The following NOL4 variants were observed in gnomAD, a reference collection of about 807,000 sequenced individuals.
NOL4 encodes cancer/testis antigen 125.
A neutral mutation model predicts 75.9 loss-of-function variants in NOL4; 17 were observed. The ratio of observed to expected loss-of-function variants is 0.22; its 90% CI spans 0.15 to 0.34. The LOEUF is 0.34. Ranked by LOEUF, NOL4 falls within the 10% of genes least tolerant of loss-of-function variation. The pLI, the probability that NOL4 is intolerant of heterozygous loss-of-function variation, is 1.00. For synonymous variants in NOL4, 292 were observed against 289.9 expected (o/e 1.01, Z -0.07); for missense variants, 614 against 793.5 (o/e 0.77, Z 2.72).
At chr18:33,899,171 G>A (rs771211681) in intron 9 of NOL4, among the ~76,000 whole-genome samples, 28 of 152,200 alleles carry the variant, frequency 1.8e-4, no homozygotes, top group Non-Finnish European at 2.9e-4. Context: ...AATTTGTGGG[G>A]GTATTGTGAT....
intron 1 of NOL4, among the ~76,000 whole-genome samples, chr18:34,218,752 A>C (rs956120332): frequency 6.6e-6 from 1 of 152,204 alleles, no homozygotes; most frequent in Non-Finnish European, 1.5e-5. Flanking sequence ...ATAGAAGCAA[A>C]AATGTGCTTC....
intron 9 of NOL4, among the ~76,000 whole-genome samples, chr18:33,935,434 G>A (rs1402928590): frequency 1.3e-5 from 2 of 152,102 alleles, no homozygotes; most frequent in Non-Finnish European, 2.9e-5. Context: ...GAAAGAGAGA[G>A]ACAGGGTGAT....
At chr18:34,047,892 C>T (rs1465382424) in intron 5 of NOL4, among the ~76,000 whole-genome samples, 1 of 152,114 alleles carries the variant, frequency 6.6e-6, no homozygotes, top group Non-Finnish European at 1.5e-5. Flanking sequence ...GAAGTACCAG[C>T]ACCAAACAGA....
intron 1 of NOL4, among the ~76,000 whole-genome samples, chr18:34,139,001 G>C (rs1424326245): frequency 1.3e-5 from 2 of 152,112 alleles, no homozygotes; most frequent in Admixed American, 6.6e-5. Context: ...ATATGTTGAA[G>C]CAGCCTTGCA....
chr18:34,222,186 C>T lies in NOL4; in HGVS notation c.264+804G>A, dbSNP rs147759424. The T allele has an allele frequency of 8.0e-3, 11,813 of 1,468,498 alleles. 74 individuals are homozygous for T. The highest frequency in any genetic ancestry group is 0.013 in the Admixed American group (547 of 41,916). 91.0% of individuals were successfully genotyped at this position (1,468,498 alleles called of 1,614,324 possible). On this transcript the variant is annotated intron_variant, in intron 1 of 10. Coordinates refer to ENST00000261592, the MANE Select transcript of NOL4 (RefSeq NM_003787.5). ...TTGGGCTCTCAATGCCAGTGCCTCGCGGCGCCTGGGCTAGAGCTTTGTGGC... is the reference window on the plus strand; with the variant it reads ...TTGGGCTCTCAATGCCAGTGCCTCGTGGCGCCTGGGCTAGAGCTTTGTGGC...
chr18:33,905,428 A>G (rs1356450273), intron 9 of NOL4, among the ~76,000 whole-genome samples: 1 of 152,192 alleles, frequency 6.6e-6, no homozygotes, highest in Non-Finnish European at 1.5e-5. Context: ...ACCATTCCAG[A>G]AACCAGGAAA....
At chr18:33,958,109 T>A in intron 7 of NOL4, 130 bp downstream of exon 7, 1 of 891,998 alleles carries the variant, frequency 1.1e-6, no homozygotes, top group Non-Finnish European at 1.7e-6. Context: ...AAAGAGTGTT[T>A]CATGTACTTT....
chr18:34,015,237 A>G (rs2074614631), intron 6 of NOL4, among the ~76,000 whole-genome samples: 2 of 152,012 alleles, frequency 1.3e-5, no homozygotes, highest in Non-Finnish European at 2.9e-5. Flanking sequence ...GTGAAATTCC[A>G]GACACAGTCT....
chr18:34,089,949 G>A (rs555088923), intron 5 of NOL4, among the ~76,000 whole-genome samples: 121 of 151,412 alleles, frequency 8.0e-4, no homozygotes, highest in Admixed American at 3.0e-3. Flanking sequence ...ACACACACAC[G>A]CACAAACACA....
intron 5 of NOL4, among the ~76,000 whole-genome samples, chr18:34,057,580 T>C (rs1568284628): frequency 6.6e-6 from 1 of 152,198 alleles, no homozygotes; most frequent in South Asian, 2.1e-4. Flanking sequence ...GTGATCTATC[T>C]TTATTAATAA....
rs116727684 is a variant in NOL4 at position 34,214,751 on chromosome 18, C to G, written c.264+8239G>C. Among the ~76,000 whole-genome samples, 264 of 152,162 alleles carry G rather than the reference C, an allele frequency of 1.7e-3. 1 individual carries two copies. Among genetic ancestry groups the G allele is most frequent in the African/African-American group, 6.0e-3 (250 of 41,510 alleles). Reference sequence around the variant, plus strand: ...AGCACTACTCACAATAAAAGAAGTACAAGCAATCCAAATGGCCATCAACTA... The same window carrying G: ...AGCACTACTCACAATAAAAGAAGTAGAAGCAATCCAAATGGCCATCAACTA... On this transcript the variant is annotated intron_variant, in intron 1 of 10. Coordinates refer to ENST00000261592, the MANE Select transcript of NOL4 (RefSeq NM_003787.5).
At chr18:33,886,856 C>G (rs868748621) in intron 9 of NOL4, among the ~76,000 whole-genome samples, 6 of 135,702 alleles carry the variant, frequency 4.4e-5, no homozygotes, top group Non-Finnish European at 9.2e-5. Flanking sequence ...GATATATCTA[C>G]ATATATCTAT....
At chr18:34,151,770 A>G (rs896779236) in intron 1 of NOL4, among the ~76,000 whole-genome samples, 2 of 151,894 alleles carry the variant, frequency 1.3e-5, no homozygotes, top group Non-Finnish European at 2.9e-5. Context: ...CAGGATGTTG[A>G]TAGCAGGGGT....
intron 6 of NOL4, among the ~76,000 whole-genome samples, chr18:34,007,782 C>G (rs879288374): frequency 6.6e-6 from 1 of 151,834 alleles, no homozygotes; most frequent in African/African-American, 2.4e-5. Context: ...TTTTCTGTTA[C>G]GTGTAGTATA....
intron 9 of NOL4, 121 bp downstream of exon 9, chr18:33,942,944 A>C: frequency 3.1e-6 from 2 of 646,264 alleles, no homozygotes; most frequent in Non-Finnish European, 5.3e-6. Flanking sequence ...TAAGGACACA[A>C]AAACTATATC....
chr18:34,160,184 A>G (rs1399305051), intron 1 of NOL4, among the ~76,000 whole-genome samples: 1 of 152,164 alleles, frequency 6.6e-6, no homozygotes, highest in Non-Finnish European at 1.5e-5. Flanking sequence ...TCTATTGTTC[A>G]GCTGTAGACA....
At chr18:33,920,132 A>T (rs140923129) in intron 9 of NOL4, among the ~76,000 whole-genome samples, 35 of 152,266 alleles carry the variant, frequency 2.3e-4, no homozygotes, top group African/African-American at 8.2e-4. Context: ...TTCATATTGT[A>T]TAAGAGTTTT....
chr18:34,113,804 G>A (rs1444035282), intron 2 of NOL4, among the ~76,000 whole-genome samples: 1 of 152,108 alleles, frequency 6.6e-6, no homozygotes, highest in African/African-American at 2.4e-5. Flanking sequence ...AAGCCTATGT[G>A]CCAATCCTCT....
In NOL4 at chr18:34,065,774, T is replaced by C. The variant is rs1448181072; in HGVS notation, c.772+27691A>G. The stretch of plus-strand genomic sequence containing the variant: ...TTTGAATAATCTATTAACTACATAG[T>C]CTCATTACAGGTACATAAAAACTTT... On this transcript the variant is annotated intron_variant, in intron 5 of 10. Coordinates refer to ENST00000261592, the MANE Select transcript of NOL4 (RefSeq NM_003787.5). Among the ~76,000 whole-genome samples the C allele has an allele frequency of 5.3e-5, 8 of 152,102 alleles. No individual in the cohort carries two copies. The South Asian group carries it at 1.7e-3, about 32-fold the overall frequency.
Sources: gnomAD v4.1 joint callset for allele counts (sites outside exome capture counted in the v4.1 genomes callset) on GRCh38, gnomAD v4.1.1 for gene constraint, MANE v1.5 for transcripts, NCBI Gene and HGNC (gene_info 2026-07-23, HGNC 2026-07-21) for gene names.